The following SF3B3 variants were observed in gnomAD, a reference collection of about 807,000 sequenced individuals.
SF3B3 encodes splicing factor 3b subunit 3.
A neutral mutation model predicts 139.2 loss-of-function variants in SF3B3; 33 were observed. The ratio of observed to expected loss-of-function variants is 0.24; its 90% CI spans 0.18 to 0.32. SF3B3 has a LOEUF of 0.32. Ranked by LOEUF, SF3B3 falls within the 10% of genes least tolerant of loss-of-function variation. The pLI is 1.00. For synonymous variants in SF3B3, 596 were observed against 563.6 expected (o/e 1.06, Z -0.81); for missense variants, 818 against 1,509.4 (o/e 0.54, Z 7.59).
intron 3 of SF3B3, 73 bp from the exon 4 acceptor site, chr16:70,530,672 G>A: frequency 8.2e-7 from 1 of 1,216,342 alleles, no homozygotes; most frequent in Non-Finnish European, 1.2e-6. Flanking sequence ...AGCATGATGT[G>A]ACTCTAGCTG....
intron 7 of SF3B3, among the ~76,000 whole-genome samples, chr16:70,538,677 GGTGAAGAAGATAGTGATTATTTTTGGT>G (rs2050190693): frequency 1.3e-5 from 2 of 152,186 alleles, no homozygotes; most frequent in Admixed American, 6.5e-5. Context: ...ATTATTTTTA[GGTGAAGAAGATAGTGATTATTTTTGGT>G]GTGAAGAAGA....
chr16:70,530,991 G>C, intron 4 of SF3B3, 74 bp downstream of exon 4: 1 of 1,395,250 alleles, frequency 7.2e-7, no homozygotes, highest in African/African-American at 1.4e-5. Context: ...TTTCCGGCCG[G>C]GCGTGGTGGC....
chr16:70,570,333 G>GTTTTTTTTTTTTT (rs71151192), intron 24 of SF3B3, among the ~76,000 whole-genome samples, 184 bp downstream of exon 24: 1 of 121,810 alleles, frequency 8.2e-6, no homozygotes, highest in Non-Finnish European at 1.7e-5. Context: ...AGGCCATTTG[G>GTTTTTTTTTTTTT]TTTTTTTTTT....
intron 24 of SF3B3, 149 bp downstream of exon 24, chr16:70,570,298 A>G: frequency 1.4e-6 from 1 of 710,586 alleles, no homozygotes; most frequent in Admixed American, 3.2e-5. Context: ...GGAGATAGGA[A>G]TCTTGATTCT....
Position 70,556,168 on chromosome 16 carries a change from T to C in SF3B3, c.1711-11T>C. On this transcript the variant is annotated splice_polypyrimidine_tract_variant and intron_variant, in intron 13 of 25. Transcript: ENST00000302516. Reference sequence around the variant, plus strand: ...TGTAGTTTTGACCTTGCTGTGTCTTTCCTCCTGTAGTCAGGACAGCTGAAT... The same window carrying C: ...TGTAGTTTTGACCTTGCTGTGTCTTCCCTCCTGTAGTCAGGACAGCTGAAT... The C allele has an allele frequency of 6.2e-7, 1 of 1,614,102 alleles. No homozygotes were observed. Among genetic ancestry groups the C allele is most frequent in the South Asian group, 1.1e-5 (1 of 91,074 alleles).
chr16:70,568,470 C>T lies in SF3B3; in HGVS notation c.3140C>T (p.Ala1047Val). Residue 1047 changes from alanine to valine, a missense_variant, in exon 22 of 26, where the codon GCA becomes GTA. By Grantham distance (64) the Ala-to-Val change is moderately conservative (BLOSUM62 0). Transcript: ENST00000302516. ...SLLDYDTVAG[A>V]DKFGNICVVR... ...CTGGACTATGACACTGTGGCTGGGG[C>T]AGACAAGTTTGGCAACATATGTGTG... 1 of 1,613,840 alleles carries T rather than the reference C, an allele frequency of 6.2e-7. No homozygotes were observed. Among genetic ancestry groups the T allele is most frequent in the Non-Finnish European group, 8.5e-7 (1 of 1,179,846 alleles).
At chr16:70,546,575 T>A (rs891074146) in intron 10 of SF3B3, among the ~76,000 whole-genome samples, 24 of 151,924 alleles carry the variant, frequency 1.6e-4, no homozygotes, top group African/African-American at 5.8e-4. Context: ...TAGCTTGAAC[T>A]GGGAGGTAGA....
At chr16:70,526,752 GA>G (rs1451190583) in intron 2 of SF3B3, 26 bp downstream of exon 2, 21 of 1,516,934 alleles carry the variant, frequency 1.4e-5, no homozygotes, top group Non-Finnish European at 1.8e-5. Context: ...ACCATCTTTT[GA>G]AATTTTAAGT....
At chr16:70,536,589 G>C (rs1225701081) in intron 6 of SF3B3, among the ~76,000 whole-genome samples, 1 of 149,910 alleles carries the variant, frequency 6.7e-6, no homozygotes, top group Non-Finnish European at 1.5e-5. Flanking sequence ...TCAATTTCCT[G>C]ACCTCGTGAT....
At chr16:70,565,026 T>A in intron 18 of SF3B3, 39 bp from the exon 19 acceptor site, 1 of 1,602,980 alleles carries the variant, frequency 6.2e-7, no homozygotes, top group Non-Finnish European at 8.5e-7. Context: ...CCCCTACCTC[T>A]GAGCACGCCA....
intron 7 of SF3B3, 48 bp downstream of exon 7, chr16:70,538,508 T>G: frequency 5.5e-4 from 753 of 1,361,522 alleles, no homozygotes; most frequent in Middle Eastern, 7.3e-4. Flanking sequence ...TGAGATGAGA[T>G]AGGCAAGACA....
At position 70,565,565 on chromosome 16, in the gene SF3B3, T is replaced by C. The variant is rs375689391; in HGVS notation, c.2826+41T>C. The C allele has an allele frequency of 5.5e-5, 87 of 1,572,746 alleles. No individual in the cohort carries two copies. The Middle Eastern group carries it at 8.6e-4, about 16-fold the overall frequency. ...TGGTTCTCCTAGATTTTAAGTCCCA[T>C]TGAATTCTCTCACTTTTGCTTATGT... On this transcript the variant is annotated intron_variant, in intron 20 of 25. Transcript: ENST00000302516.
At chr16:70,528,045 G>T (rs559601108) in intron 2 of SF3B3, among the ~76,000 whole-genome samples, 1 of 152,026 alleles carries the variant, frequency 6.6e-6, no homozygotes, top group African/African-American at 2.4e-5. Context: ...AAAGTGCTGG[G>T]ATTACAGGCA....
chr16:70,560,307 A>G lies in SF3B3; in HGVS notation c.2011-162A>G, dbSNP rs558233969. 1.2e-5 allele frequency: 7 copies of G among 605,594 alleles called. No individual in the cohort carries two copies. The African/African-American group carries it at 1.3e-4, about 11-fold the overall frequency. The allele number at this position is 605,594 out of a possible 1,614,324, so 37.5% of individuals were successfully genotyped here. On this transcript the variant is annotated intron_variant, in intron 15 of 25. Coordinates refer to ENST00000302516, the MANE Select transcript of SF3B3 (RefSeq NM_012426.5). ...GATGATTAAGTGATTTACTGAGAGA[A>G]TGAAATGAATGGCTATCGGATTATT...
chr16:70,541,675 A>G lies in SF3B3; in HGVS notation c.1074A>G (p.Leu358=). The part of the protein sequence containing the change: ...FVASEFGNHY[L]YQIAHLGDDD... ...CTCCTCTGCTTCTTCCCAGTTACTT[A>G]TATCAAATTGCACATCTTGGAGATG... Residue 358 remains leucine, a synonymous_variant, in exon 9 of 26, where the codon TTA becomes TTG. Coordinates refer to ENST00000302516, the MANE Select transcript of SF3B3 (RefSeq NM_012426.5). 5 of 1,613,616 alleles carry G rather than the reference A, an allele frequency of 3.1e-6. No individual in the cohort carries two copies. Among genetic ancestry groups the G allele is most frequent in the Non-Finnish European group, 4.2e-6 (5 of 1,179,684 alleles).
In SF3B3 at chr16:70,576,209, A is replaced by T. The variant is rs1336861286; in HGVS notation, c.*4396A>T. 1 of 152,224 alleles carries T rather than the reference A, an allele frequency of 6.6e-6. No homozygotes were observed. Among genetic ancestry groups the T allele is most frequent in the African/African-American group, 2.4e-5 (1 of 41,448 alleles). 9.4% of individuals were successfully genotyped at this position (152,224 alleles called of 1,614,324 possible). Reference sequence around the variant, plus strand: ...TGCTTGTTCAAAATGAAGAAAAAAAATATCAAAGAAAACCAGGTTTGGAAG... The same window carrying T: ...TGCTTGTTCAAAATGAAGAAAAAAATTATCAAAGAAAACCAGGTTTGGAAG... On this transcript the variant is annotated 3_prime_UTR_variant, in exon 26 of 26. Coordinates refer to ENST00000302516, the MANE Select transcript of SF3B3 (RefSeq NM_012426.5).
chr16:70,532,682 A>T, intron 5 of SF3B3, 62 bp downstream of exon 5: 1 of 1,509,956 alleles, frequency 6.6e-7, no homozygotes. Context: ...CCCAAACCTA[A>T]TAGGTTTTAC....
intron 11 of SF3B3, among the ~76,000 whole-genome samples, chr16:70,549,831 A>T (rs1464546379): frequency 6.6e-6 from 1 of 152,210 alleles, no homozygotes; most frequent in Non-Finnish European, 1.5e-5. Context: ...GGGCTGAGGC[A>T]GGAGAATCAC....
At chr16:70,560,283 A>G (rs1416595670) in intron 15 of SF3B3, 186 bp from the exon 16 acceptor site, 24 of 472,636 alleles carry the variant, frequency 5.1e-5, no homozygotes, top group Non-Finnish European at 7.7e-5. Flanking sequence ...ATAACTTTGG[A>G]TGATTAAGTG....
Sources: allele counts gnomAD v4.1 joint callset (sites outside exome capture counted in the v4.1 genomes callset), GRCh38; gene constraint gnomAD v4.1.1; transcripts MANE v1.5; gene names NCBI Gene and HGNC (gene_info 2026-07-23, HGNC 2026-07-21).